The following BACC1 variants were observed in gnomAD, a reference collection of about 807,000 sequenced individuals.
BACC1 encodes BPTF associated chromatin complex component 1.
At chr17:7,014,822 C>T in the BACC1 span, 19 of 1,526,082 alleles carry the variant, frequency 1.2e-5, no homozygotes, top group Middle Eastern at 1.7e-4. This position sits in a 1 kb window ranked among gnomAD's most constrained non-coding sequence, Gnocchi z 4.5. Flanking sequence ...CGTGTAGCGG[C>T]GGCGGCGGCG....
the BACC1 span, chr17:7,014,788 C>T: frequency 4.8e-5 from 73 of 1,518,472 alleles, no homozygotes; most frequent in South Asian, 2.1e-4. This position sits in a 1 kb window ranked among gnomAD's most constrained non-coding sequence, Gnocchi z 4.5. Context: ...GCTCAGTCTC[C>T]CTGCTCTCCG....
chr17:7,017,250 G>T, the BACC1 span: 1 of 1,613,958 alleles, frequency 6.2e-7, no homozygotes, highest in East Asian at 2.2e-5. Context: ...TTTACTTCCT[G>T]TTCCAGACAG....
the BACC1 span, chr17:7,015,700 G>A: frequency 1.4e-6 from 2 of 1,467,974 alleles, no homozygotes; most frequent in South Asian, 1.2e-5. Context: ...GGTTGGCTGT[G>A]GGATGCATAG....
At chr17:7,014,972 G>A in the BACC1 span, 2 of 1,438,186 alleles carry the variant, frequency 1.4e-6, no homozygotes, top group Non-Finnish European at 1.8e-6. The surrounding 1 kb of genome is among the most constrained non-coding windows in gnomAD (Gnocchi z 4.5). Flanking sequence ...GCGGGGGGCG[G>A]GCGGGAGCCG....
the BACC1 span, chr17:7,016,600 C>A: frequency 6.8e-6 from 11 of 1,614,024 alleles, no homozygotes; most frequent in Non-Finnish European, 9.3e-6. Flanking sequence ...CATCTGGTGT[C>A]TTGTCACCTC....
the BACC1 span, chr17:7,016,084 G>A: frequency 8.9e-6 from 5 of 562,274 alleles, no homozygotes; most frequent in Non-Finnish European, 1.6e-5. Flanking sequence ...CCAAGAATGT[G>A]AATTTAGGTT....
At chr17:7,014,831 C>T in the BACC1 span, 2 of 1,524,590 alleles carry the variant, frequency 1.3e-6, no homozygotes, top group Non-Finnish European at 8.8e-7. The surrounding 1 kb of genome is among the most constrained non-coding windows in gnomAD (Gnocchi z 4.5). Flanking sequence ...GCGGCGGCGG[C>T]GTCTCCGTGA....
At chr17:7,015,023 G>A in the BACC1 span, 5 of 1,442,106 alleles carry the variant, frequency 3.5e-6, no homozygotes, top group Non-Finnish European at 4.5e-6. Context: ...GGACGGGGAG[G>A]GCGGGCGCCG....
the BACC1 span, chr17:7,015,263 C>T: frequency 7.0e-7 from 1 of 1,431,036 alleles, no homozygotes. Flanking sequence ...TCCCTTTGTG[C>T]GTGGCACAGC....
chr17:7,017,288 G>T, the BACC1 span: 4 of 1,613,932 alleles, frequency 2.5e-6, no homozygotes, highest in Non-Finnish European at 3.4e-6. Context: ...GCCTTCTCAT[G>T]ACCTCTGCTG....
the BACC1 span, chr17:7,015,589 C>G: frequency 7.1e-7 from 1 of 1,400,338 alleles, no homozygotes; most frequent in South Asian, 1.5e-5. Flanking sequence ...GATTGGGGTC[C>G]TCCCGGTTCC....
chr17:7,016,580 A>G, the BACC1 span: 1 of 1,614,160 alleles, frequency 6.2e-7, no homozygotes, highest in East Asian at 2.2e-5. Context: ...GAAAGGGCCC[A>G]AGAAGGTGGC....
chr17:7,016,547 C>T, the BACC1 span: 5 of 1,614,116 alleles, frequency 3.1e-6, no homozygotes, highest in South Asian at 5.5e-5. Context: ...TTCTGGCATC[C>T]CCCTTCCAGC....
chr17:7,017,233 G>C, the BACC1 span: 1 of 1,614,008 alleles, frequency 6.2e-7, no homozygotes, highest in Non-Finnish European at 8.5e-7. Flanking sequence ...GCTCCATCTC[G>C]GCCCATTTTA....
At chr17:7,015,756 C>A in the BACC1 span, 2 of 1,609,416 alleles carry the variant, frequency 1.2e-6, no homozygotes, top group Non-Finnish European at 1.7e-6. Context: ...TGCTATCCCC[C>A]CTCTCCCCTT....
chr17:7,014,854 G>T, the BACC1 span: 1 of 1,537,390 alleles, frequency 6.5e-7, no homozygotes, highest in Non-Finnish European at 8.7e-7. This position sits in a 1 kb window ranked among gnomAD's most constrained non-coding sequence, Gnocchi z 4.5. Flanking sequence ...AGGCGCGCGG[G>T]GCCATGACGT....
At chr17:7,016,280 G>A in the BACC1 span, 1 of 568,078 alleles carries the variant, frequency 1.8e-6, no homozygotes, top group Non-Finnish European at 3.1e-6. Context: ...TTAGGAGATG[G>A]GCCTTTCCCA....
At chr17:7,014,838 G>T in the BACC1 span, 1 of 1,529,844 alleles carries the variant, frequency 6.5e-7, no homozygotes, top group Non-Finnish European at 8.7e-7. The surrounding 1 kb of genome is among the most constrained non-coding windows in gnomAD (Gnocchi z 4.5). Flanking sequence ...CGGCGTCTCC[G>T]TGAGGAGGCG....
At chr17:7,015,043 G>T in the BACC1 span, 1 of 1,491,040 alleles carries the variant, frequency 6.7e-7, no homozygotes. Flanking sequence ...GGCCCCCCGT[G>T]ACGCTGCCCC....
Sources: allele counts gnomAD v4.1 joint callset, GRCh38; gene constraint gnomAD v4.1.1; non-coding constraint Gnocchi (gnomAD v3.1); transcripts MANE v1.5; gene names NCBI Gene and HGNC (gene_info 2026-07-23, HGNC 2026-07-21).